Variants in NEK6 observed in about 807,000 individuals in gnomAD.
NEK6 encodes serine/threonine-protein kinase Nek6.
In NEK6, 27 loss-of-function variants were observed where a neutral mutation model predicts 43.5. The observed-to-expected ratio is 0.62, with a 90% CI of 0.46 to 0.86. The LOEUF (loss-of-function observed/expected upper bound fraction) is 0.86, where lower values mean the gene tolerates loss of function less well. NEK6 is among the 40% of genes least tolerant of loss of function. NEK6 has a pLI of 0.00. For missense variants in NEK6, 318 were observed against 414.4 expected (o/e 0.77, Z 2.02); for synonymous variants, 167 against 164.1 (o/e 1.02, Z -0.14).
intron 1 of NEK6, 107 bp downstream of exon 1, chr9:124,258,192 G>T: frequency 1.0e-6 from 1 of 973,402 alleles, no homozygotes; most frequent in Non-Finnish European, 1.2e-6. Context: ...GGGCGGGCGC[G>T]CGCCCACGGC....
chr9:124,263,993 C>T lies in NEK6; in HGVS notation c.-30+5908C>T, dbSNP rs1041565339. ...GATGTTTTGTTAATTATTTACACAG[C>T]GTCGGCCCCGCAGAGGACTGCGCTG... On this transcript the variant is annotated intron_variant, in intron 1 of 9. Coordinates refer to ENST00000320246, the MANE Select transcript of NEK6 (RefSeq NM_014397.6). Among the ~76,000 whole-genome samples, 6 of 152,358 alleles carry T rather than the reference C, an allele frequency of 3.9e-5. No homozygotes were observed. In the East Asian group the frequency reaches 7.7e-4, roughly 20 times the overall value.
chr9:124,308,085 C>T (rs999765316), intron 2 of NEK6, among the ~76,000 whole-genome samples: 10 of 152,216 alleles, frequency 6.6e-5, no homozygotes, highest in African/African-American at 2.4e-4. Context: ...ATTTAACCCC[C>T]AGCAGCCCCC....
intron 7 of NEK6, among the ~76,000 whole-genome samples, chr9:124,334,506 A>ATC (rs1040489472): frequency 1.3e-5 from 2 of 152,186 alleles, no homozygotes; most frequent in African/African-American, 4.8e-5. Context: ...GGTGCCCCCA[A>ATC]TCTCTCTCTG....
chr9:124,328,714 G>T (rs1828800636), intron 7 of NEK6, among the ~76,000 whole-genome samples: 1 of 152,230 alleles, frequency 6.6e-6, no homozygotes, highest in South Asian at 2.1e-4. Context: ...GTTCATACAG[G>T]TTCCAGAGAG....
In NEK6 at chr9:124,346,048, T is replaced by C. The variant is rs141580804; in HGVS notation, c.718-1661T>C. Among the ~76,000 whole-genome samples, 24 of 152,114 alleles carry C rather than the reference T, an allele frequency of 1.6e-4. No individual in the cohort carries two copies. In the East Asian group the frequency reaches 4.5e-3, roughly 28 times the overall value. ...GGGTGGGTTTCAGGCTCCACATGGG[T>C]TCCCAGCCCTTCTCTGAGGGGCCCA... On this transcript the variant is annotated intron_variant, in intron 8 of 9. Coordinates refer to ENST00000320246, the MANE Select transcript of NEK6 (RefSeq NM_014397.6).
intron 8 of NEK6, among the ~76,000 whole-genome samples, chr9:124,340,292 G>A (rs902834737): frequency 2.6e-5 from 4 of 152,204 alleles, no homozygotes; most frequent in African/African-American, 9.6e-5. Flanking sequence ...CACCCATTTT[G>A]TCCAGCCACA....
intron 7 of NEK6, among the ~76,000 whole-genome samples, chr9:124,328,282 G>A (rs903824680): frequency 2.6e-5 from 4 of 152,168 alleles, no homozygotes; most frequent in African/African-American, 9.7e-5. Context: ...TTCCCCACCA[G>A]TGGAACACAG....
Position 124,327,454 on chromosome 9 carries a change from G to A in NEK6, c.622+9G>A. ...CGCAGCCCACTCCCTAGGTAAGGGG[G>A]ACCTGTCTGTGCCCCAGCAGCCCCC... On this transcript the variant is annotated intron_variant, in intron 7 of 9. Coordinates refer to ENST00000320246, the MANE Select transcript of NEK6 (RefSeq NM_014397.6). 2 of 1,605,150 alleles carry A rather than the reference G, an allele frequency of 1.2e-6. No homozygotes were observed. The highest frequency in any genetic ancestry group is 2.2e-5 in the South Asian group (2 of 90,956).
chr9:124,263,748 T>C (rs1291339128), intron 1 of NEK6, among the ~76,000 whole-genome samples: 1 of 152,094 alleles, frequency 6.6e-6, no homozygotes, highest in Non-Finnish European at 1.5e-5. Context: ...GGATCATGGC[T>C]CCCAAAACGG....
chr9:124,282,093 C>T (rs1031973140), intron 1 of NEK6, among the ~76,000 whole-genome samples: 7 of 152,216 alleles, frequency 4.6e-5, no homozygotes, highest in African/African-American at 1.7e-4. Context: ...CAAATTACTG[C>T]AAACTGGGTG....
Position 124,275,399 on chromosome 9 carries a change from GGAGCCCA to G in NEK6, c.-30+17317_-30+17323del, listed in dbSNP as rs970083977. 6.6e-6 allele frequency among the ~76,000 whole-genome samples: 1 copy of G among 152,154 alleles called. No homozygotes were observed. Among genetic ancestry groups the G allele is most frequent in the Non-Finnish European group, 1.5e-5 (1 of 68,026 alleles). The stretch of plus-strand genomic sequence containing the variant: ...GGGTGACCTGGTTGATGACGGTCAT[GGAGCCCA>G]GAACCCATGGGTAACGGGGTCAGCA... On this transcript the variant is annotated intron_variant, in intron 1 of 9. Coordinates refer to ENST00000320246, the MANE Select transcript of NEK6 (RefSeq NM_014397.6). This position sits in a 1 kb window ranked among gnomAD's most constrained non-coding sequence, Gnocchi z 4.4.
intron 1 of NEK6, chr9:124,292,762 C>A: frequency 7.9e-7 from 1 of 1,258,700 alleles, no homozygotes; most frequent in Non-Finnish European, 1.1e-6. Context: ...AGTCAGCAAC[C>A]AGTTACCCAG....
chr9:124,321,681 ACCCGGGGACCCTGGGCGCCC>A (rs1200123549), intron 5 of NEK6, 112 bp downstream of exon 5: 8 of 700,304 alleles, frequency 1.1e-5, no homozygotes, highest in Non-Finnish European at 1.9e-5. Flanking sequence ...AGAGGCGGCC[ACCCGGGGACCCTGGGCGCCC>A]CCCTGCAGAT....
intron 1 of NEK6, 108 bp from the exon 2 acceptor site, chr9:124,301,828 C>T (rs748526059): frequency 3.2e-5 from 28 of 887,232 alleles, no homozygotes; most frequent in Admixed American, 4.3e-5. Flanking sequence ...AATTACTGAA[C>T]GGCTTTGCAC....
intron 2 of NEK6, among the ~76,000 whole-genome samples, chr9:124,310,507 C>T (rs1315985228): frequency 6.6e-6 from 1 of 152,246 alleles, no homozygotes; most frequent in African/African-American, 2.4e-5. Context: ...GTTGGCCCAG[C>T]CCTCACCTTG....
chr9:124,315,331 T>A (rs1327486151), intron 4 of NEK6, among the ~76,000 whole-genome samples: 1 of 152,042 alleles, frequency 6.6e-6, no homozygotes, highest in Non-Finnish European at 1.5e-5. Context: ...GACAGAAGGC[T>A]GGACATGGCA....
At chr9:124,278,071 C>T (rs1831720678) in intron 1 of NEK6, among the ~76,000 whole-genome samples, 1 of 152,206 alleles carries the variant, frequency 6.6e-6, no homozygotes, top group African/African-American at 2.4e-5. Context: ...GATTATAATG[C>T]CATCTTTTGA....
At position 124,292,607 on chromosome 9, in the gene NEK6, G is replaced by A. The variant is rs370072889; in HGVS notation, c.-29-9329G>A. 14 of 1,525,328 alleles carry A rather than the reference G, an allele frequency of 9.2e-6. No individual in the cohort carries two copies. In the African/African-American group the frequency reaches 1.5e-4, roughly 16 times the overall value. 94.5% of individuals were successfully genotyped at this position (1,525,328 alleles called of 1,614,324 possible). A position where few individuals can be genotyped will look rare whatever the true frequency, so the allele number is the denominator to read the frequency against. ...TGTTCCACTTGGTCCTTCTTCCACT[G>A]TCAGTCAGCAGGGTAGTAGCTGCGG... On this transcript the variant is annotated intron_variant, in intron 1 of 9. Transcript: ENST00000320246.
At chr9:124,282,833 T>C (rs1484412090) in intron 1 of NEK6, among the ~76,000 whole-genome samples, 3 of 152,236 alleles carry the variant, frequency 2.0e-5, no homozygotes, top group African/African-American at 7.2e-5. Context: ...CACTGAGGGC[T>C]GAGAACGTCT....
Sources: allele counts gnomAD v4.1 joint callset (sites outside exome capture counted in the v4.1 genomes callset), GRCh38; gene constraint gnomAD v4.1.1; non-coding constraint Gnocchi (gnomAD v3.1); transcripts MANE v1.5; gene names NCBI Gene and HGNC (gene_info 2026-07-23, HGNC 2026-07-21).